Variants in TANGO6 observed in about 807,000 individuals in gnomAD.
TANGO6 encodes the protein transport and golgi organization 6 homolog.
In TANGO6, 90 loss-of-function variants were observed where a neutral mutation model predicts 114.2. The ratio of observed to expected loss-of-function variants is 0.79; its 90% CI spans 0.66 to 0.94. TANGO6 has a LOEUF of 0.94. Ranked by LOEUF, TANGO6 falls within the 40% of genes least tolerant of loss-of-function variation. The pLI is 0.00. For missense variants in TANGO6, 1,274 were observed against 1,315.3 expected, an observed-to-expected ratio of 0.97 and a Z score of 0.49; for synonymous variants, 477 against 509.8, an observed-to-expected ratio of 0.94 and a Z score of 0.87.
chr16:69,021,598 T>C (rs573362087), intron 15 of TANGO6, among the ~76,000 whole-genome samples: 1 of 152,302 alleles, frequency 6.6e-6, no homozygotes, highest in South Asian at 2.1e-4. Context: ...GAACAATGCT[T>C]AGCACATACT....
At chr16:69,054,455 C>T (rs373034580) in intron 17 of TANGO6, among the ~76,000 whole-genome samples, 3 of 152,274 alleles carry the variant, frequency 2.0e-5, no homozygotes, top group East Asian at 3.9e-4. Flanking sequence ...TTCTGTGGTA[C>T]GTTAGGCCTG....
intron 1 of TANGO6, among the ~76,000 whole-genome samples, chr16:68,853,299 C>G (rs1215479039): frequency 1.3e-5 from 2 of 150,148 alleles, no homozygotes; most frequent in Admixed American, 1.3e-4. Context: ...AAAGCATATA[C>G]TTTTGTCATT....
chr16:69,042,336 C>T (rs1027348901), intron 17 of TANGO6, among the ~76,000 whole-genome samples: 47 of 152,062 alleles, frequency 3.1e-4, no homozygotes, highest in African/African-American at 9.6e-4. Context: ...CACCTGAGGT[C>T]GGGAATTCGA....
rs1483790404 is a variant in TANGO6, at chr16:68,843,673, G to A, written c.56G>A (p.Arg19Gln). 1 of 1,613,770 alleles carries A rather than the reference G, an allele frequency of 6.2e-7. No homozygotes were observed. The highest frequency in any genetic ancestry group is 1.7e-5 in the Admixed American group (1 of 60,028). Reference sequence around the variant, plus strand: ...GCTCAGGAGACATGCGGTCTGGATCGGATTTTGGAGGCATTGAAGCTGCTG... The same window carrying A: ...GCTCAGGAGACATGCGGTCTGGATCAGATTTTGGAGGCATTGAAGCTGCTG... The part of the protein sequence containing the change: ...SGAQETCGLD[R>Q]ILEALKLLLS... Residue 19 changes from arginine to glutamine, a missense_variant, in exon 1 of 18, where the codon CGG (arginine) becomes CAG (glutamine). Physicochemically the swap from Arg to Gln is conservative, Grantham distance 43 (BLOSUM62 1). Around this residue, in one of 5 missense-constraint regions of TANGO6, gnomAD observed 114 missense variants for 104.6 expected, o/e 1.09. Transcript: ENST00000261778.
rs1472581796 is a variant in TANGO6, at chr16:68,877,474, A to T, written c.1132-644A>T. On this transcript the variant is annotated intron_variant, in intron 5 of 17. Coordinates refer to ENST00000261778, the MANE Select transcript of TANGO6 (RefSeq NM_024562.2). ...CAGGGTGAGACTCCATCTCAAAAAA[A>T]AAAAAAAAAGGAAAAAGAAAAATGT... is the stretch of plus-strand genomic sequence containing the variant. 1.8e-4 allele frequency among the ~76,000 whole-genome samples: 27 copies of T among 152,000 alleles called. No individual in the cohort carries two copies. The South Asian group carries it at 5.6e-3, about 32-fold the overall frequency.
chr16:68,858,065 ATT>A (rs369292829), intron 1 of TANGO6, among the ~76,000 whole-genome samples: 8 of 143,518 alleles, frequency 5.6e-5, no homozygotes, highest in Admixed American at 1.4e-4. Context: ...CTCTCGGAAG[ATT>A]TTTTTTTTTT....
chr16:68,936,202 A>G (rs1963297888), intron 14 of TANGO6, among the ~76,000 whole-genome samples: 1 of 152,210 alleles, frequency 6.6e-6, no homozygotes, highest in Non-Finnish European at 1.5e-5. Context: ...AATTTAAAAA[A>G]AGGATACATC....
intron 16 of TANGO6, among the ~76,000 whole-genome samples, chr16:69,036,797 T>C (rs1959694652): frequency 6.6e-6 from 1 of 151,616 alleles, no homozygotes. Flanking sequence ...ACTCCATCTC[T>C]ACAAAAACTA....
chr16:69,049,695 C>T (rs56337719), intron 17 of TANGO6, among the ~76,000 whole-genome samples: 5,686 of 152,130 alleles, frequency 0.037, 141 homozygotes, highest in Admixed American at 0.056. Context: ...CCCGCCCAGC[C>T]TCCCAAAATG....
At chr16:69,029,359 A>G (rs1427505844) in intron 16 of TANGO6, among the ~76,000 whole-genome samples, 4 of 152,204 alleles carry the variant, frequency 2.6e-5, no homozygotes, top group African/African-American at 9.6e-5. Flanking sequence ...GGATTAAAAT[A>G]CCTGCAATCA....
At chr16:69,062,545 T>C (rs1960137149) in intron 17 of TANGO6, among the ~76,000 whole-genome samples, 1 of 151,966 alleles carries the variant, frequency 6.6e-6, no homozygotes, top group Non-Finnish European at 1.5e-5. Context: ...TGATCTCGGC[T>C]CACTGCAACC....
intron 15 of TANGO6, among the ~76,000 whole-genome samples, chr16:69,007,940 A>C (rs902987075): frequency 6.6e-6 from 1 of 152,262 alleles, no homozygotes; most frequent in African/African-American, 2.4e-5. Flanking sequence ...TTGGACGTTC[A>C]TATATCTTCT....
In TANGO6 at chr16:68,919,186, G is replaced by T. The variant is rs1963054492; in HGVS notation, c.2094G>T (p.Gly698=). 6.2e-7 allele frequency: 1 copy of T among 1,612,686 alleles called. No homozygotes were observed. Among genetic ancestry groups the T allele is most frequent in the East Asian group, 2.2e-5 (1 of 44,878 alleles). Residue 698 remains glycine (G), a synonymous_variant, in exon 12 of 18, where the codon GGG becomes GGT. Coordinates refer to ENST00000261778, the MANE Select transcript of TANGO6 (RefSeq NM_024562.2). ...CACAGACGCTGAGCATGTCCATGGG[G>T]CTGGTGGCTGTCATGCTAGGAGGAG... is the stretch of plus-strand genomic sequence containing the variant. ...VESQTLSMSM[G]LVAVMLGGAV... is the part of the protein sequence containing the mutation.
At chr16:69,070,408 G>C (rs1431845001) in intron 17 of TANGO6, among the ~76,000 whole-genome samples, 1 of 151,480 alleles carries the variant, frequency 6.6e-6, no homozygotes, top group East Asian at 2.0e-4. Context: ...CGAAGCGGGG[G>C]GATCACCTGA....
At chr16:69,035,282 G>C (rs1469778635) in intron 16 of TANGO6, 1 of 152,222 alleles carries the variant, frequency 6.6e-6, no homozygotes, top group African/African-American at 2.4e-5. Flanking sequence ...AGTAAGCCAA[G>C]CTCCTGAGAA....
At chr16:69,021,841 C>T (rs1468697342) in intron 15 of TANGO6, among the ~76,000 whole-genome samples, 6 of 148,952 alleles carry the variant, frequency 4.0e-5, no homozygotes, top group South Asian at 2.1e-4. Flanking sequence ...AAGCTATATA[C>T]TTATGATATA....
intron 7 of TANGO6, among the ~76,000 whole-genome samples, chr16:68,889,911 C>T (rs1962588178): frequency 6.6e-6 from 1 of 152,166 alleles, no homozygotes; most frequent in Admixed American, 6.6e-5. Context: ...TTTAAAAAGA[C>T]GATCTTATGC....
At chr16:68,911,613 C>T (rs1460878882) in intron 11 of TANGO6, among the ~76,000 whole-genome samples, 5 of 152,166 alleles carry the variant, frequency 3.3e-5, no homozygotes, top group East Asian at 3.9e-4. Flanking sequence ...GACGGGGTTT[C>T]GCCATGTTGG....
intron 17 of TANGO6, among the ~76,000 whole-genome samples, chr16:69,059,969 C>T (rs1960090029): frequency 6.6e-6 from 1 of 152,146 alleles, no homozygotes; most frequent in Non-Finnish European, 1.5e-5. Context: ...CTGTCCCATG[C>T]TTGCCTTCTT....
Sources: gnomAD v4.1 joint callset for allele counts (sites outside exome capture counted in the v4.1 genomes callset) on GRCh38, gnomAD v4.1.1 for gene constraint, gnomAD v4.1.1 regional missense constraint, MANE v1.5 for transcripts, NCBI Gene and HGNC (gene_info 2026-07-23, HGNC 2026-07-21) for gene names.